The following RALYL variants were observed in gnomAD, a reference collection of about 807,000 sequenced individuals.
RALYL encodes the protein RALY RNA binding protein like.
A neutral mutation model predicts 35.1 loss-of-function variants in RALYL; 29 were observed. That is an observed-to-expected ratio of 0.83 (90% CI 0.61 to 1.13). The LOEUF (loss-of-function observed/expected upper bound fraction) is 1.13. Among genes scored for constraint, RALYL ranks in the 50% most tolerant of loss-of-function variants. The pLI, the probability that RALYL is intolerant of heterozygous loss-of-function variation, is 0.00. For missense variants in RALYL, 359 were observed against 360.4 expected (o/e 1.00, Z 0.03); for synonymous variants, 120 against 127.6 (o/e 0.94, Z 0.40).
chr8:84,732,833 A>T (rs1446847989), intron 2 of RALYL, among the ~76,000 whole-genome samples: 2 of 151,558 alleles, frequency 1.3e-5, no homozygotes, highest in African/African-American at 4.9e-5. Context: ...AGTAGCTGGG[A>T]TTACAGGGCT....
At position 84,735,242 on chromosome 8, in the gene RALYL, T is replaced by C. The variant is rs558059119; in HGVS notation, c.257-39337T>C. Among the ~76,000 whole-genome samples, 9 of 152,092 alleles carry C rather than the reference T, an allele frequency of 5.9e-5. No individual in the cohort carries two copies. In the East Asian group the frequency reaches 1.6e-3, roughly 26 times the overall value. On this transcript the variant is annotated intron_variant, in intron 2 of 8. Coordinates refer to ENST00000521268, the MANE Select transcript of RALYL (RefSeq NM_173848.7). The stretch of plus-strand genomic sequence containing the variant: ...ATTCCTCCAGTACTGTTCCAAGTTC[T>C]TCATGCTGTATCCACAGGACCTAAA...
chr8:84,347,084 C>T (rs1025318683), intron 1 of RALYL, among the ~76,000 whole-genome samples: 1 of 151,802 alleles, frequency 6.6e-6, no homozygotes, highest in African/African-American at 2.4e-5. Flanking sequence ...GCCTGTAAAC[C>T]CAGCTACCTG....
chr8:84,236,401 C>T (rs550149118), intron 1 of RALYL, among the ~76,000 whole-genome samples: 95 of 152,140 alleles, frequency 6.2e-4, no homozygotes, highest in Non-Finnish European at 1.1e-3. Context: ...AGATTCACAG[C>T]CTTGGCTAAA....
chr8:84,509,013 C>T (rs1302718524), intron 1 of RALYL, among the ~76,000 whole-genome samples: 2 of 151,964 alleles, frequency 1.3e-5, no homozygotes, highest in Non-Finnish European at 1.5e-5. Context: ...TCTGCTTATA[C>T]TTTTGCTTGT....
chr8:84,389,356 G>A (rs1457634729), intron 1 of RALYL, among the ~76,000 whole-genome samples: 2 of 152,030 alleles, frequency 1.3e-5, no homozygotes, highest in East Asian at 1.9e-4. Context: ...GAACTTTAAA[G>A]TAGTTTTTTC....
At chr8:84,556,482 T>C (rs959788910) in intron 2 of RALYL, among the ~76,000 whole-genome samples, 2 of 152,158 alleles carry the variant, frequency 1.3e-5, no homozygotes, top group East Asian at 1.9e-4. Context: ...CTATCGACCA[T>C]GAAGAACTTG....
chr8:84,844,382 T>G (rs531224887), intron 4 of RALYL, among the ~76,000 whole-genome samples: 28 of 152,310 alleles, frequency 1.8e-4, no homozygotes, highest in African/African-American at 6.7e-4. Flanking sequence ...TCACCATCAC[T>G]GGCCATCAGA....
intron 1 of RALYL, chr8:84,184,732 C>G: frequency 2.6e-6 from 1 of 386,774 alleles, no homozygotes; most frequent in East Asian, 4.0e-5. Context: ...GCCGCGCCGG[C>G]CGGGCACTAG....
chr8:84,203,277 C>G (rs1479114882), intron 1 of RALYL, among the ~76,000 whole-genome samples: 1 of 148,726 alleles, frequency 6.7e-6, no homozygotes, highest in Non-Finnish European at 1.5e-5. Flanking sequence ...TCTTTTCTTT[C>G]TTTCTTTTTT....
At chr8:84,907,986 C>G (rs888289654) in intron 8 of RALYL, among the ~76,000 whole-genome samples, 1 of 152,112 alleles carries the variant, frequency 6.6e-6, no homozygotes, top group Non-Finnish European at 1.5e-5. Context: ...AATGTTAAGA[C>G]TGACACAAAC....
At chr8:84,832,488 A>C (rs943638012) in intron 4 of RALYL, among the ~76,000 whole-genome samples, 6 of 152,088 alleles carry the variant, frequency 3.9e-5, no homozygotes, top group African/African-American at 1.4e-4. Context: ...CAGGTTTTGG[A>C]AAAAGTATTG....
intron 1 of RALYL, among the ~76,000 whole-genome samples, chr8:84,343,754 C>G (rs1849300152): frequency 6.6e-6 from 1 of 151,846 alleles, no homozygotes; most frequent in Non-Finnish European, 1.5e-5. Context: ...CTCAGCCTCC[C>G]AAGTAGCTGG....
intron 1 of RALYL, among the ~76,000 whole-genome samples, chr8:84,367,318 A>ATTTGT (rs756622990): frequency 3.6e-5 from 1 of 27,400 alleles, no homozygotes; most frequent in Non-Finnish European, 9.9e-5. Context: ...TAATTTTTGT[A>ATTTGT]TTTTTTTTTT....
chr8:84,564,865 T>C (rs2061678926), intron 2 of RALYL, among the ~76,000 whole-genome samples: 1 of 151,658 alleles, frequency 6.6e-6, no homozygotes, highest in African/African-American at 2.4e-5. Context: ...AATATTCATA[T>C]AAAGATTCAT....
At chr8:84,794,189 A>T (rs1462351098) in intron 3 of RALYL, among the ~76,000 whole-genome samples, 1 of 152,238 alleles carries the variant, frequency 6.6e-6, no homozygotes, top group African/African-American at 2.4e-5. Context: ...CATGTCATTT[A>T]GCACCATTTA....
intron 2 of RALYL, among the ~76,000 whole-genome samples, chr8:84,622,014 T>C (rs912377339): frequency 5.9e-5 from 9 of 152,230 alleles, no homozygotes; most frequent in African/African-American, 2.2e-4. Context: ...GCATAATGAA[T>C]ATTACCAATA....
chr8:84,896,556 T>C (rs1230139303), intron 8 of RALYL, among the ~76,000 whole-genome samples: 21 of 151,694 alleles, frequency 1.4e-4, no homozygotes, highest in Admixed American at 1.4e-3. Flanking sequence ...CTACAAAGTC[T>C]TGCGTGATCT....
rs1360571358 is a variant in RALYL at position 84,367,347 on chromosome 8, T to A, written c.-23-161952T>A. Among the ~76,000 whole-genome samples, 17 of 94,004 alleles carry A rather than the reference T, an allele frequency of 1.8e-4. 1 individual carries two copies. Among genetic ancestry groups the A allele is most frequent in the African/African-American group, 5.0e-4 (9 of 18,162 alleles). 61.7% of individuals were successfully genotyped at this position (94,004 alleles called of 152,430 possible). A position where few individuals can be genotyped will look rare whatever the true frequency, so the allele number is the denominator to read the frequency against. The stretch of plus-strand genomic sequence containing the variant: ...TTTTTTTTTTTTTTTTTTTTTTTTT[T>A]TTTTTTTTTTTTTTTTTTTTTTAGT... On this transcript the variant is annotated intron_variant, in intron 1 of 8. Coordinates refer to ENST00000521268, the MANE Select transcript of RALYL (RefSeq NM_173848.7).
At chr8:84,382,004 A>G (rs1858084336) in intron 1 of RALYL, among the ~76,000 whole-genome samples, 2 of 151,732 alleles carry the variant, frequency 1.3e-5, no homozygotes, top group African/African-American at 2.4e-5. Context: ...TATCTCTAAT[A>G]TAGTTATTTG....
Sources: allele counts gnomAD v4.1 joint callset (sites outside exome capture counted in the v4.1 genomes callset), GRCh38; gene constraint gnomAD v4.1.1; transcripts MANE v1.5; gene names NCBI Gene and HGNC (gene_info 2026-07-23, HGNC 2026-07-21).